Variants in STMN4 observed in about 807,000 individuals in gnomAD.
STMN4 encodes the protein stathmin 4.
A neutral mutation model predicts 29.1 loss-of-function variants in STMN4; 12 were observed. The observed-to-expected ratio is 0.41, with a 90% CI of 0.26 to 0.67. The LOEUF is 0.67. Among genes scored for constraint, STMN4 ranks in the 30% least tolerant of loss-of-function variants. The probability of loss-of-function intolerance (pLI) is 0.30; values close to 1 mark genes in which losing one functional copy is unlikely to be tolerated. For synonymous variants in STMN4, 114 were observed against 105.3 expected (o/e 1.08, Z -0.51); for missense variants, 181 against 262.8 (o/e 0.69, Z 2.15).
intron 1 of STMN4, among the ~76,000 whole-genome samples, 178 bp downstream of exon 1, chr8:27,258,173 C>T (rs1033854717): frequency 9.8e-5 from 15 of 152,288 alleles, no homozygotes; most frequent in African/African-American, 2.4e-4. Flanking sequence ...CTTGGCCGAG[C>T]GCCATTCTTT....
chr8:27,243,167 T>C (rs1801525245), intron 2 of STMN4, among the ~76,000 whole-genome samples: 1 of 152,170 alleles, frequency 6.6e-6, no homozygotes, highest in Admixed American at 6.5e-5. Context: ...GGGGCCCGTG[T>C]GTCTGGCTGC....
intron 6 of STMN4, 133 bp downstream of exon 6, chr8:27,239,838 T>C (rs1384212412): frequency 6.4e-7 from 1 of 1,554,118 alleles, no homozygotes; most frequent in South Asian, 1.2e-5. Context: ...CTAAAGATCC[T>C]GCCTAAGAAA....
chr8:27,248,217 C>CTATTTATTTATTTATT (rs140800660), intron 1 of STMN4, among the ~76,000 whole-genome samples: 3 of 151,944 alleles, frequency 2.0e-5, no homozygotes, highest in African/African-American at 7.3e-5. Context: ...AGAGAGGACT[C>CTATTTATTTATTTATT]TATTTATTTA....
Position 27,238,445 on chromosome 8 carries a change from T to C in STMN4, c.591+1526A>G, listed in dbSNP as rs184676953. On this transcript the variant is annotated intron_variant, in intron 6 of 6. Coordinates refer to ENST00000350889, the MANE Select transcript of STMN4 (RefSeq NM_030795.4). ...ATGTCTGCTCTGACCTCACACCTCT[T>C]TGAGTCTACCCGACCTCCACAGCCA... Among the ~76,000 whole-genome samples, 1,079 of 152,346 alleles carry C rather than the reference T, an allele frequency of 7.1e-3. 46 individuals are homozygous for C. The highest frequency in any genetic ancestry group is 0.066 in the Admixed American group (1,006 of 15,304).
Position 27,241,684 on chromosome 8 carries a change from T to C in STMN4, c.183A>G (p.Arg61=), listed in dbSNP as rs755691035. ...CCGCTGCCTCCCTCCTACCCTGAGCTCTTCTTTCTCTCCAGTCAGCACTGT... is the reference window on the plus strand; with the variant it reads ...CCGCTGCCTCCCTCCTACCCTGAGCCCTTCTTTCTCTCCAGTCAGCACTGT... ...RKDSADWRER[R]AQADTVDLNW... Residue 61 remains arginine, a synonymous_variant, in exon 4 of 7, where the codon AGA becomes AGG. Coordinates refer to ENST00000350889, the MANE Select transcript of STMN4 (RefSeq NM_030795.4). 18 of 1,614,046 alleles carry C rather than the reference T, an allele frequency of 1.1e-5. No individual in the cohort carries two copies. In the South Asian group the frequency reaches 1.9e-4, roughly 17 times the overall value.
chr8:27,242,006 A>G, intron 3 of STMN4: 2 of 580,080 alleles, frequency 3.4e-6, no homozygotes, highest in Non-Finnish European at 3.1e-6. Context: ...AGCATTCTCT[A>G]CCCTTCCCAG....
At chr8:27,247,838 C>T (rs1453134017) in intron 1 of STMN4, among the ~76,000 whole-genome samples, 3 of 152,188 alleles carry the variant, frequency 2.0e-5, no homozygotes, top group Non-Finnish European at 4.4e-5. Context: ...CGTCAGCCAG[C>T]AGAGCAATGG....
At chr8:27,246,266 C>T (rs962478432) in intron 1 of STMN4, among the ~76,000 whole-genome samples, 10 of 152,098 alleles carry the variant, frequency 6.6e-5, no homozygotes, top group Admixed American at 2.0e-4. Flanking sequence ...GGGCAAGAAA[C>T]GAGATGTTGT....
rs1801541083 is a variant in STMN4, at chr8:27,243,651, A to G, written c.13+60T>C. On this transcript the variant is annotated intron_variant, in intron 2 of 6. Coordinates refer to ENST00000350889, the MANE Select transcript of STMN4 (RefSeq NM_030795.4). ...TGTTCTTCCCTGCTTCTGTGAGTCCATGTTGGGTGAGGGCAGGGGGAATAG... is the reference window on the plus strand; with the variant it reads ...TGTTCTTCCCTGCTTCTGTGAGTCCGTGTTGGGTGAGGGCAGGGGGAATAG... 6 of 1,551,808 alleles carry G rather than the reference A, an allele frequency of 3.9e-6. No homozygotes were observed. The Middle Eastern group carries it at 5.1e-4, about 131-fold the overall frequency.
chr8:27,244,650 C>G (rs555385765), intron 1 of STMN4, among the ~76,000 whole-genome samples: 42 of 151,758 alleles, frequency 2.8e-4, no homozygotes, highest in African/African-American at 9.9e-4. Flanking sequence ...GGGCATTGTG[C>G]AAGGGAACAT....
rs773900559 is a variant in STMN4, at chr8:27,243,774, G to C, written c.-51C>G. Reference sequence around the variant, plus strand: ...TAGCTGAAAGTTACAGAGTGGGTCTGTCACCAGCTTGGGACGCTGTCACCA... The same window carrying C: ...TAGCTGAAAGTTACAGAGTGGGTCTCTCACCAGCTTGGGACGCTGTCACCA... On this transcript the variant is annotated 5_prime_UTR_variant, in exon 2 of 7. Coordinates refer to ENST00000350889, the MANE Select transcript of STMN4 (RefSeq NM_030795.4). The C allele has an allele frequency of 1.2e-6, 2 of 1,614,048 alleles. No individual in the cohort carries two copies. Among genetic ancestry groups the C allele is most frequent in the South Asian group, 1.1e-5 (1 of 91,092 alleles).
rs1383199405 is a variant in STMN4 at position 27,240,145 on chromosome 8, G to A, written c.417C>T (p.Leu139=). ...CCCGTTTCTCTGCTAGGTGTTTCAG[G>A]AGCTCCGCTTCCTGGTACTGGGGAA... is the stretch of plus-strand genomic sequence containing the variant. The part of the protein sequence containing the change: ...EERRKYQEAE[L]LKHLAEKREH... The change falls in exon 6 of 7, where the codon CTC becomes CTT. Residue 139 remains leucine, a synonymous_variant. Transcript: ENST00000350889. The A allele has an allele frequency of 1.2e-6, 2 of 1,613,864 alleles. No individual in the cohort carries two copies. The highest frequency in any genetic ancestry group is 3.3e-5 in the Admixed American group (2 of 59,990).
intron 3 of STMN4, 152 bp downstream of exon 3, chr8:27,242,245 C>T (rs1158927281): frequency 1.3e-6 from 1 of 785,386 alleles, no homozygotes; most frequent in Non-Finnish European, 2.1e-6. Context: ...CAGCTCAGAC[C>T]CTCGGGCTCA....
At chr8:27,243,161 C>A (rs753386131) in intron 2 of STMN4, among the ~76,000 whole-genome samples, 2 of 152,170 alleles carry the variant, frequency 1.3e-5, no homozygotes, top group African/African-American at 2.4e-5. Context: ...CGCCTTGGGG[C>A]CCGTGTGTCT....
chr8:27,250,597 C>A (rs571741301), intron 1 of STMN4, among the ~76,000 whole-genome samples: 1 of 152,130 alleles, frequency 6.6e-6, no homozygotes, highest in African/African-American at 2.4e-5. Flanking sequence ...AAGGAACCAG[C>A]GAGACCTACA....
intron 4 of STMN4, 45 bp downstream of exon 4, chr8:27,241,632 A>C: frequency 3.1e-6 from 5 of 1,595,728 alleles, no homozygotes; most frequent in South Asian, 1.1e-5. Flanking sequence ...GCCACAGCCC[A>C]TCTGACGCTC....
chr8:27,249,678 G>A (rs1801728944), intron 1 of STMN4, among the ~76,000 whole-genome samples: 1 of 152,152 alleles, frequency 6.6e-6, no homozygotes, highest in Non-Finnish European at 1.5e-5. Flanking sequence ...TGGATACACA[G>A]AAGGGAGACC....
intron 2 of STMN4, 119 bp downstream of exon 2, chr8:27,243,592 C>G (rs1326564089): frequency 2.8e-6 from 3 of 1,075,178 alleles, no homozygotes; most frequent in Admixed American, 3.6e-5. Context: ...CTACCTGCAC[C>G]CCCCCACACA....
chr8:27,240,255 C>T, intron 5 of STMN4, 93 bp from the exon 6 acceptor site: 1 of 1,383,196 alleles, frequency 7.2e-7, no homozygotes, highest in Non-Finnish European at 9.9e-7. Flanking sequence ...ACACTCAGAA[C>T]ACTCACCTCC....
Sources: gnomAD v4.1 joint callset for allele counts (sites outside exome capture counted in the v4.1 genomes callset) on GRCh38, gnomAD v4.1.1 for gene constraint, MANE v1.5 for transcripts, NCBI Gene and HGNC (gene_info 2026-07-23, HGNC 2026-07-21) for gene names.